The following MAF variants were observed in gnomAD, a reference collection of about 807,000 sequenced individuals.
MAF encodes transcription factor Maf.
Under a neutral mutation model 22.0 loss-of-function variants are expected in MAF, and 10 were observed. The observed-to-expected ratio is 0.45, with a 90% CI of 0.28 to 0.77. The LOEUF (loss-of-function observed/expected upper bound fraction) is 0.77. Ranked by LOEUF, MAF falls within the 30% of genes least tolerant of loss-of-function variation. The pLI, the probability that MAF is intolerant of heterozygous loss-of-function variation, is 0.12. For synonymous variants in MAF, 337 were observed against 255.8 expected (o/e 1.32, Z -3.03); for missense variants, 544 against 548.4 (o/e 0.99, Z 0.08).
chr16:79,591,083 C>T (rs1037994310), downstream of MAF, among the ~76,000 whole-genome samples: 1 of 152,174 alleles, frequency 6.6e-6, no homozygotes, highest in African/African-American at 2.4e-5. Context: ...ATTTTCTCTC[C>T]TTCCTATCCA....
chr16:79,309,265 C>CTA, the MAF span, among the ~76,000 whole-genome samples: 2 of 152,174 alleles, frequency 1.3e-5, no homozygotes, highest in Admixed American at 1.3e-4. Context: ...ATGCCTTGAG[C>CTA]TATGACCAGC....
the MAF span, among the ~76,000 whole-genome samples, chr16:79,228,242 G>C: frequency 4.6e-5 from 7 of 152,018 alleles, no homozygotes; most frequent in Non-Finnish European, 8.8e-5. Context: ...TTCATGACTT[G>C]TGTAACAACT....
At chr16:79,239,996 G>A in the MAF span, among the ~76,000 whole-genome samples, 1 of 151,988 alleles carries the variant, frequency 6.6e-6, no homozygotes, top group Non-Finnish European at 1.5e-5. Flanking sequence ...GCTTCACAAA[G>A]TATTTACCCA....
the MAF span, among the ~76,000 whole-genome samples, chr16:79,513,582 A>G: frequency 6.6e-6 from 1 of 152,224 alleles, no homozygotes; most frequent in African/African-American, 2.4e-5. Flanking sequence ...AAACAGCTTG[A>G]GAAAGGAATT....
At chr16:79,457,455 T>A in the MAF span, among the ~76,000 whole-genome samples, 1 of 148,960 alleles carries the variant, frequency 6.7e-6, no homozygotes, top group Admixed American at 6.8e-5. Flanking sequence ...AAACGACTAA[T>A]AATAATACTA....
chr16:79,240,105 G>C, the MAF span, among the ~76,000 whole-genome samples: 1 of 151,846 alleles, frequency 6.6e-6, no homozygotes, highest in Non-Finnish European at 1.5e-5. Context: ...AGGTGATAGA[G>C]CCCAGAATGG....
At chr16:79,568,934 C>A in the MAF span, among the ~76,000 whole-genome samples, 1 of 152,212 alleles carries the variant, frequency 6.6e-6, no homozygotes, top group East Asian at 1.9e-4. Flanking sequence ...GCCCATTTTA[C>A]AGATGAGAAG....
chr16:79,348,062 A>G, the MAF span, among the ~76,000 whole-genome samples: 4 of 152,232 alleles, frequency 2.6e-5, no homozygotes, highest in Non-Finnish European at 5.9e-5. Context: ...CAGCGTCAAC[A>G]TTAGTGTGAC....
the MAF span, among the ~76,000 whole-genome samples, chr16:79,514,674 C>G: frequency 6.6e-6 from 1 of 152,188 alleles, no homozygotes; most frequent in Non-Finnish European, 1.5e-5. Context: ...CTGTCTACCT[C>G]TACAGACCCA....
chr16:79,309,400 C>G, the MAF span, among the ~76,000 whole-genome samples: 84,713 of 152,068 alleles, frequency 0.56, 24,790 homozygotes, highest in Non-Finnish European at 0.66. Flanking sequence ...TCCAGAAGGT[C>G]TGCTTTTCTC....
the MAF span, among the ~76,000 whole-genome samples, chr16:79,297,202 C>A: frequency 2.0e-5 from 3 of 152,158 alleles, no homozygotes; most frequent in Admixed American, 1.3e-4. Flanking sequence ...TATGGGGTAG[C>A]AAAGGGGATC....
At chr16:79,495,997 C>T in the MAF span, among the ~76,000 whole-genome samples, 1 of 152,114 alleles carries the variant, frequency 6.6e-6, no homozygotes, top group Non-Finnish European at 1.5e-5. Context: ...AGCAGATTTC[C>T]CCAGCTGACC....
At chr16:79,476,935 T>TC in the MAF span, among the ~76,000 whole-genome samples, 1 of 152,108 alleles carries the variant, frequency 6.6e-6, no homozygotes, top group Non-Finnish European at 1.5e-5. Context: ...CGCGTTATCA[T>TC]CCACGGCCAT....
At chr16:79,567,364 A>G in the MAF span, among the ~76,000 whole-genome samples, 1 of 152,184 alleles carries the variant, frequency 6.6e-6, no homozygotes, top group African/African-American at 2.4e-5. Context: ...CACTCATTCA[A>G]TCTGAGTTTT....
chr16:79,595,045 T>C (rs549287492), intron 1 of MAF: 104 of 1,052,930 alleles, frequency 9.9e-5, no homozygotes, highest in Non-Finnish European at 1.1e-4. Context: ...CTAAAATCTT[T>C]CATCAGATGC....
chr16:79,381,676 C>G, the MAF span, among the ~76,000 whole-genome samples: 2 of 152,158 alleles, frequency 1.3e-5, no homozygotes, highest in Non-Finnish European at 2.9e-5. Flanking sequence ...CAGTGTGAAT[C>G]ACGTGGTTGC....
chr16:79,550,820 G>A, the MAF span, among the ~76,000 whole-genome samples: 1 of 152,156 alleles, frequency 6.6e-6, no homozygotes, highest in Non-Finnish European at 1.5e-5. Context: ...TCCCAACCAG[G>A]TTATTGTAAA....
At chr16:79,378,300 C>G in the MAF span, among the ~76,000 whole-genome samples, 3 of 152,098 alleles carry the variant, frequency 2.0e-5, no homozygotes, top group Admixed American at 2.0e-4. Flanking sequence ...TGCCAGTGGA[C>G]TTACTATGCA....
chr16:79,277,394 G>T, the MAF span, among the ~76,000 whole-genome samples: 4 of 152,206 alleles, frequency 2.6e-5, no homozygotes, highest in Non-Finnish European at 5.9e-5. Context: ...CAGGACTGTA[G>T]CAGGCACTTT....
Sources: allele counts gnomAD v4.1 joint callset (sites outside exome capture counted in the v4.1 genomes callset), GRCh38; gene constraint gnomAD v4.1.1; transcripts MANE v1.5; gene names NCBI Gene and HGNC (gene_info 2026-07-23, HGNC 2026-07-21).